Variants in HOXA1 observed in about 807,000 individuals in gnomAD.
The protein encoded by HOXA1 is homeobox protein Hox-A1.
HOXA1 carries 21 observed loss-of-function variants against 28.3 expected under a neutral mutation model. The ratio of observed to expected loss-of-function variants is 0.74; its 90% CI spans 0.53 to 1.07. The LOEUF (loss-of-function observed/expected upper bound fraction) is 1.07, where lower values mean the gene tolerates loss of function less well. Ranked by LOEUF, HOXA1 falls within the 50% of genes least tolerant of loss-of-function variation. The pLI is 0.00. For synonymous variants in HOXA1, 208 were observed against 181.2 expected, an observed-to-expected ratio of 1.15 and a Z score of -1.19; for missense variants, 446 against 434.3, an observed-to-expected ratio of 1.03 and a Z score of -0.24.
rs1783793342 is a variant in HOXA1 at position 27,095,348 on chromosome 7, C to T, written c.565G>A (p.Glu189Lys). 1 of 1,614,030 alleles carries T rather than the reference C, an allele frequency of 6.2e-7. No homozygotes were observed. The highest frequency in any genetic ancestry group is 8.5e-7 in the Non-Finnish European group (1 of 1,179,996). Residue 189 changes from glutamate to lysine, a missense_variant, in exon 1 of 2, where the codon GAA (glutamate) becomes AAA (lysine). Transcript: ENST00000643460. Reference sequence around the variant, plus strand: ...TCCGATGCGGGGGAGCGACAGGCTTCTTGGTGGCTGGCGTGGAGAGGGGAC... The same window carrying T: ...TCCGATGCGGGGGAGCGACAGGCTTTTTGGTGGCTGGCGTGGAGAGGGGAC... Reference protein sequence around the residue: ...SLSPLHASHQEACRSPASETS... With the variant: ...SLSPLHASHQKACRSPASETS...
rs774552234 is a variant in HOXA1 at position 27,095,505 on chromosome 7, T to G, written c.408A>C (p.Ser136=). Residue 136 remains serine (S), a synonymous_variant, in exon 1 of 2, where the codon TCA becomes TCC. Coordinates refer to ENST00000643460, the MANE Select transcript of HOXA1 (RefSeq NM_005522.5). ...GGTGGTGATGCTGGACCATGGGAGA[T>G]GAGAGATTTCCAGAGTAAACAGCGG... The part of the protein sequence containing the change: ...CAPAVYSGNL[S]SPMVQHHHHH... 3 of 1,613,592 alleles carry G rather than the reference T, an allele frequency of 1.9e-6. No homozygotes were observed. The highest frequency in any genetic ancestry group is 1.7e-5 in the Admixed American group (1 of 59,984).
chr7:27,095,242 AC>A lies in HOXA1; in HGVS notation c.652+18del. The A allele has an allele frequency of 1.2e-6, 2 of 1,613,392 alleles. No individual in the cohort carries two copies. Among genetic ancestry groups the A allele is most frequent in the Non-Finnish European group, 1.7e-6 (2 of 1,179,444 alleles). ...CTTCCAGAATAATCAAGGAGCATCC[AC>A]CAACCAGCAGGACTGACCTGTTTTG... On this transcript the variant is annotated intron_variant, in intron 1 of 1. Transcript: ENST00000643460.
At position 27,095,836 on chromosome 7, in the gene HOXA1, C is replaced by T. The variant is rs764729360; in HGVS notation, c.77G>A (p.Arg26Gln). 26 of 1,613,800 alleles carry T rather than the reference C, an allele frequency of 1.6e-5. No homozygotes were observed. The African/African-American group carries it at 1.7e-4, about 11-fold the overall frequency. The change falls in exon 1 of 2, where the codon CGA (arginine) becomes CAA (glutamine). Residue 26 changes from arginine (R) to glutamine (Q), a missense_variant. By Grantham distance (43) the Arg-to-Gln change is conservative. Transcript: ENST00000643460. The part of the protein sequence containing the change: ...SSGDSGTCSA[R>Q]AYPSDHRITT... ...AATCCTATGGTCCGAGGGGTAGGCT[C>T]GGGCTGAGCAGGTCCCCGAGTCGCC...
At position 27,095,748 on chromosome 7, in the gene HOXA1, C is replaced by T. The variant is rs886062261; in HGVS notation, c.165G>A (p.Val55=). 3.7e-6 allele frequency: 6 copies of T among 1,613,218 alleles called. No homozygotes were observed. The highest frequency in any genetic ancestry group is 5.1e-6 in the Non-Finnish European group (6 of 1,179,522). The change falls in exon 1 of 2, where the codon GTG becomes GTA. Residue 55 remains valine, a synonymous_variant. Coordinates refer to ENST00000643460, the MANE Select transcript of HOXA1 (RefSeq NM_005522.5). ...GCGAACCGATCTGCACCCCCCTGCC[C>T]ACTAGGAAGCGGTCGTCGCCGCCGC... ...NSCGGDDRFL[V]GRGVQIGSPH...
Position 27,094,176 on chromosome 7 carries a change from A to G in HOXA1, c.*264T>C. On this transcript the variant is annotated 3_prime_UTR_variant, in exon 2 of 2. Transcript: ENST00000643460. ...TCTGAAAGGAACAGTAGGTTCTGTG[A>G]ATTCTCCTAAAAGCAGGAGGGATGT... 1 of 482,696 alleles carries G rather than the reference A, an allele frequency of 2.1e-6. No individual in the cohort carries two copies. Among genetic ancestry groups the G allele is most frequent in the Non-Finnish European group, 3.8e-6 (1 of 264,036 alleles). The allele number at this position is 482,696 out of a possible 1,614,324, so 29.9% of individuals were successfully genotyped here. A position where few individuals can be genotyped will look rare whatever the true frequency, so the allele number is the denominator to read the frequency against.
rs765543665 is a variant in HOXA1 at position 27,095,543 on chromosome 7, G to A, written c.370C>T (p.Pro124Ser). 1.2e-6 allele frequency: 2 copies of A among 1,614,124 alleles called. No homozygotes were observed. Among genetic ancestry groups the A allele is most frequent in the Non-Finnish European group, 1.7e-6 (2 of 1,180,032 alleles). Residue 124 changes from proline (P) to serine (S), a missense_variant, in exon 1 of 2, where the codon CCC (proline) becomes TCC (serine). Physicochemically the swap from Pro to Ser is moderately conservative, Grantham distance 74 (BLOSUM62 -1). Transcript: ENST00000643460. ...NQEADVSGGYPQCAPAVYSGN... is the reference protein window; with the variant it reads ...NQEADVSGGYSQCAPAVYSGN... ...GAGTAAACAGCGGGAGCGCACTGGG[G>A]GTACCCACCACTTACGTCTGCTTCC... is the stretch of plus-strand genomic sequence containing the variant.
In HOXA1 at chr7:27,094,447, G is replaced by C. The variant is rs771768130; in HGVS notation, c.1001C>G (p.Ser334Cys). Residue 334 changes from serine (S) to cysteine (C), a missense_variant, in exon 2 of 2, where the codon TCC becomes TGC. By Grantham distance (112) the Ser-to-Cys change is moderately radical (BLOSUM62 -1). Coordinates refer to ENST00000643460, the MANE Select transcript of HOXA1 (RefSeq NM_005522.5). ...GSSTSDTLTT[S>C]H Reference sequence around the variant, plus strand: ...TCTGGGGCTGGAGCCGCCTCAGTGGGAGGTAGTCAGAGTGTCTGAGGTAGA... The same window carrying C: ...TCTGGGGCTGGAGCCGCCTCAGTGGCAGGTAGTCAGAGTGTCTGAGGTAGA... The C allele has an allele frequency of 6.2e-7, 1 of 1,612,124 alleles. No homozygotes were observed. The highest frequency in any genetic ancestry group is 8.5e-7 in the Non-Finnish European group (1 of 1,178,230).
rs143597165 is a variant in HOXA1, at chr7:27,094,707, C to T, written c.741G>A (p.Glu247=). 353 of 1,614,224 alleles carry T rather than the reference C, an allele frequency of 2.2e-4. 1 individual carries two copies. The Middle Eastern group carries it at 2.3e-3, about 11-fold the overall frequency. ...GCGTCAGGTACTTGTTGAAGTGGAACTCCTTCTCCAGTTCCGTGAGCTGCT... is the reference window on the plus strand; with the variant it reads ...GCGTCAGGTACTTGTTGAAGTGGAATTCCTTCTCCAGTTCCGTGAGCTGCT... ...TTKQLTELEK[E]FHFNKYLTRA... The change falls in exon 2 of 2, where the codon GAG becomes GAA. Residue 247 remains glutamate, a synonymous_variant. Coordinates refer to ENST00000643460, the MANE Select transcript of HOXA1 (RefSeq NM_005522.5).
In HOXA1 at chr7:27,095,680, G is replaced by A. The variant is rs751466974; in HGVS notation, c.233C>T (p.Ala78Val). ...CAGGTTCCCGGAAGTCTGGTAGGTA[G>A]CCGGCTGGGGGTGGCGATGGTGGTG... ...HHHHHRHPQP[A>V]TYQTSGNLGV... Residue 78 changes from alanine to valine, a missense_variant, in exon 1 of 2, where the codon GCT becomes GTT. Ala to Val is a moderately conservative substitution (Grantham distance 64). Transcript: ENST00000643460. 5 of 1,613,846 alleles carry A rather than the reference G, an allele frequency of 3.1e-6. No individual in the cohort carries two copies. Among genetic ancestry groups the A allele is most frequent in the South Asian group, 1.1e-5 (1 of 91,076 alleles).
Position 27,094,485 on chromosome 7 carries a change from A to T in HOXA1, c.963T>A (p.Pro321=), listed in dbSNP as rs1313554850. 3.1e-6 allele frequency: 5 copies of T among 1,614,112 alleles called. No individual in the cohort carries two copies. The highest frequency in any genetic ancestry group is 4.5e-5 in the East Asian group (2 of 44,892). ...TGTCTGAGGTAGAAGACCCCGGGGAAGGAACGCAGGGCGAAGAGCTGGACT... is the reference window on the plus strand; with the variant it reads ...TGTCTGAGGTAGAAGACCCCGGGGATGGAACGCAGGGCGAAGAGCTGGACT... The part of the protein sequence containing the change: ...SEKSSSSPCV[P]SPGSSTSDTL... The change falls in exon 2 of 2, where the codon CCT becomes CCA. Residue 321 remains proline (P), a synonymous_variant. Coordinates refer to ENST00000643460, the MANE Select transcript of HOXA1 (RefSeq NM_005522.5).
rs746895952 is a variant in HOXA1 at position 27,095,379 on chromosome 7, G to GTTA, written c.531_533dup (p.Asn178dup). 12 of 1,614,072 alleles carry GTTA rather than the reference G, an allele frequency of 7.4e-6. No homozygotes were observed. The highest frequency in any genetic ancestry group is 1.0e-5 in the Non-Finnish European group (12 of 1,179,996). ...GGCTGGCGTGGAGAGGGGACAAGGAGTTATTATACGTAGCCAGGGCCAGGC... is the reference window on the plus strand; with the variant it reads ...GGCTGGCGTGGAGAGGGGACAAGGAGTTATTATTATACGTAGCCAGGGCCAGGC... On this transcript the variant is annotated inframe_insertion, in exon 1 of 2. Coordinates refer to ENST00000643460, the MANE Select transcript of HOXA1 (RefSeq NM_005522.5).
In HOXA1 at chr7:27,095,242, A is replaced by T; in HGVS notation, c.652+19T>A. On this transcript the variant is annotated intron_variant, in intron 1 of 1. Coordinates refer to ENST00000643460, the MANE Select transcript of HOXA1 (RefSeq NM_005522.5). ...CTTCCAGAATAATCAAGGAGCATCC[A>T]CCAACCAGCAGGACTGACCTGTTTT... 1 of 1,613,392 alleles carries T rather than the reference A, an allele frequency of 6.2e-7. No individual in the cohort carries two copies.
In HOXA1 at chr7:27,095,112, A is replaced by T. The variant is rs953424568; in HGVS notation, c.652+149T>A. The T allele has an allele frequency of 3.1e-5, 27 of 872,372 alleles. No individual in the cohort carries two copies. In the African/African-American group the frequency reaches 3.9e-4, roughly 13 times the overall value. 54.0% of individuals were successfully genotyped at this position (872,372 alleles called of 1,614,324 possible). On this transcript the variant is annotated intron_variant, in intron 1 of 1. Transcript: ENST00000643460. Reference sequence around the variant, plus strand: ...CAATCCCTGAGACTTCTTTGCCCCAACACCTCTGGGCACCCTCTCCATGCA... The same window carrying T: ...CAATCCCTGAGACTTCTTTGCCCCATCACCTCTGGGCACCCTCTCCATGCA...
At chr7:27,094,833 A>G (rs1783783659) in intron 1 of HOXA1, 38 bp from the exon 2 acceptor site, 2 of 1,510,412 alleles carry the variant, frequency 1.3e-6, no homozygotes, top group African/African-American at 2.7e-5. Flanking sequence ...GGAAATGTAA[A>G]AATTTTTAAA....
At chr7:27,094,823 G>C (rs753177962) in intron 1 of HOXA1, 28 bp from the exon 2 acceptor site, 2 of 1,569,888 alleles carry the variant, frequency 1.3e-6, no homozygotes, top group Non-Finnish European at 1.8e-6. Flanking sequence ...GCCATGAGAC[G>C]GAAATGTAAA....
chr7:27,094,644 G>C lies in HOXA1; in HGVS notation c.804C>G (p.Leu268=). ...ACCAGATCTTCACTTGGGTCTCGTT[G>C]AGCTGCAGGGATGCAGCGATCTCCA... is the stretch of plus-strand genomic sequence containing the variant. ...RRVEIAASLQ[L]NETQVKIWFQ... Residue 268 remains leucine, a synonymous_variant, in exon 2 of 2, where the codon CTC becomes CTG. Coordinates refer to ENST00000643460, the MANE Select transcript of HOXA1 (RefSeq NM_005522.5). The C allele has an allele frequency of 6.2e-7, 1 of 1,614,062 alleles. No individual in the cohort carries two copies. Among genetic ancestry groups the C allele is most frequent in the Non-Finnish European group, 8.5e-7 (1 of 1,180,020 alleles).
At chr7:27,094,853 G>T in intron 1 of HOXA1, 58 bp from the exon 2 acceptor site, 1 of 1,271,602 alleles carries the variant, frequency 7.9e-7, no homozygotes, top group Non-Finnish European at 1.1e-6. Context: ...ATCGACTTGA[G>T]ATTCCCCACA....
At position 27,094,623 on chromosome 7, in the gene HOXA1, G is replaced by C. The variant is rs886062257; in HGVS notation, c.825C>G (p.Ile275Met). The change falls in exon 2 of 2, where the codon ATC becomes ATG. Residue 275 changes from isoleucine (I) to methionine (M), a missense_variant. Transcript: ENST00000643460. ...SLQLNETQVKIWFQNRRMKQK... is the reference protein window; with the variant it reads ...SLQLNETQVKMWFQNRRMKQK... ...GCTTCATTCGGCGGTTCTGGAACCA[G>C]ATCTTCACTTGGGTCTCGTTGAGCT... 1 of 1,614,208 alleles carries C rather than the reference G, an allele frequency of 6.2e-7. No homozygotes were observed. Among genetic ancestry groups the C allele is most frequent in the South Asian group, 1.1e-5 (1 of 91,086 alleles).
At chr7:27,094,840 T>A (rs2128032828) in intron 1 of HOXA1, 45 bp from the exon 2 acceptor site, 2 of 1,450,474 alleles carry the variant, frequency 1.4e-6, no homozygotes, top group Non-Finnish European at 1.9e-6. Flanking sequence ...TAAAAATTTT[T>A]AAATCGACTT....
Sources: allele counts gnomAD v4.1 joint callset, GRCh38; gene constraint gnomAD v4.1.1; transcripts MANE v1.5; gene names NCBI Gene and HGNC (gene_info 2026-07-23, HGNC 2026-07-21).